Variants in PABPC1 observed in about 807,000 individuals in gnomAD.
PABPC1 encodes poly(A) binding protein cytoplasmic 1, also known as polyadenylate-binding protein 1.
A neutral mutation model predicts 74.0 loss-of-function variants in PABPC1; 4 were observed. The ratio of observed to expected loss-of-function variants is 0.05; its 90% CI spans 0.03 to 0.12. The LOEUF (loss-of-function observed/expected upper bound fraction) is 0.12. Ranked by LOEUF, PABPC1 falls within the 10% of genes least tolerant of loss-of-function variation. The pLI, the probability that PABPC1 is intolerant of heterozygous loss-of-function variation, is 1.00. For missense variants in PABPC1, 271 were observed against 821.1 expected (o/e 0.33, Z 8.19); for synonymous variants, 227 against 264.1 (o/e 0.86, Z 1.36).
chr8:100,710,936 G>A (rs1810512175), intron 7 of PABPC1, among the ~76,000 whole-genome samples: 1 of 151,434 alleles, frequency 6.6e-6, no homozygotes, highest in Non-Finnish European at 1.5e-5. Context: ...GCAGTGAACT[G>A]AGATCACACC....
rs916698550 is a variant in PABPC1 at position 100,721,350 on chromosome 8, GCCGCCCGC to G, written c.193+33_193+40del. 2 of 1,287,854 alleles carry G rather than the reference GCCGCCCGC, an allele frequency of 1.6e-6. No homozygotes were observed. The highest frequency in any genetic ancestry group is 2.0e-6 in the Non-Finnish European group (2 of 990,706). The allele number at this position is 1,287,854 out of a possible 1,614,324, so 79.8% of individuals were successfully genotyped here. A position where few individuals can be genotyped will look rare whatever the true frequency, so the allele number is the denominator to read the frequency against. ...CCGCCGCCGCCGCCCGAGCCTCATG[GCCGCCCGC>G]CCGCCCGGCCGACCGCGGAGCCCGG... On this transcript the variant is annotated intron_variant, in intron 1 of 14. Coordinates refer to ENST00000318607, the MANE Select transcript of PABPC1 (RefSeq NM_002568.4). The surrounding 1 kb of genome is among the most constrained non-coding windows in gnomAD (Gnocchi z 7.4).
intron 3 of PABPC1, 37 bp downstream of exon 3, chr8:100,717,736 G>C (rs375865665): frequency 4.9e-6 from 6 of 1,212,380 alleles, no homozygotes; most frequent in Non-Finnish European, 7.2e-6. Flanking sequence ...TTAAAAATAA[G>C]ATTCAAAATA....
At chr8:100,716,500 T>A (rs1406437833) in intron 3 of PABPC1, among the ~76,000 whole-genome samples, 1 of 152,184 alleles carries the variant, frequency 6.6e-6, no homozygotes. Context: ...CCATCTTACA[T>A]AATCTCACCC....
At chr8:100,713,064 C>T in intron 5 of PABPC1, 23 bp downstream of exon 5, 1 of 1,525,844 alleles carries the variant, frequency 6.6e-7, no homozygotes, top group African/African-American at 1.4e-5. Context: ...CCCCCTTCTT[C>T]CTGCTGAATA....
chr8:100,709,327 A>G (rs771778121), intron 8 of PABPC1, 104 bp from the exon 9 acceptor site: 56 of 1,460,288 alleles, frequency 3.8e-5, no homozygotes, highest in Non-Finnish European at 5.2e-5. Context: ...CTTCACACTC[A>G]AGCATTTTTT....
In PABPC1 at chr8:100,712,805, A is replaced by AG; in HGVS notation, c.739-17_739-16insC. ...CATCCACAGCCTTCCCCCCAAAAAA[A>AG]AAGAAAAAAAAAAAATCACAAAACT... is the stretch of plus-strand genomic sequence containing the variant. On this transcript the variant is annotated splice_polypyrimidine_tract_variant and intron_variant, in intron 5 of 14. Transcript: ENST00000318607. 1 of 1,512,972 alleles carries AG rather than the reference A, an allele frequency of 6.6e-7. No individual in the cohort carries two copies. Among genetic ancestry groups the AG allele is most frequent in the Non-Finnish European group, 8.7e-7 (1 of 1,147,750 alleles). The allele number at this position is 1,512,972 out of a possible 1,614,324, so 93.7% of individuals were successfully genotyped here.
chr8:100,721,659 G>A lies in PABPC1; in HGVS notation c.-76C>T. The A allele has an allele frequency of 8.0e-7, 1 of 1,248,842 alleles. No individual in the cohort carries two copies. The highest frequency in any genetic ancestry group is 1.1e-6 in the Non-Finnish European group (1 of 948,362). The allele number at this position is 1,248,842 out of a possible 1,614,324, so 77.4% of individuals were successfully genotyped here. ...AGGAGAGCGAGTGCCGGGGCTGGGG[G>A]CCGGAGCCGGGGGGAGGGGAGCGGG... On this transcript the variant is annotated 5_prime_UTR_variant, in exon 1 of 15. Transcript: ENST00000318607. This position sits in a 1 kb window ranked among gnomAD's most constrained non-coding sequence, Gnocchi z 7.4.
chr8:100,718,956 A>C (rs1587169134), intron 1 of PABPC1, among the ~76,000 whole-genome samples: 2 of 152,320 alleles, frequency 1.3e-5, no homozygotes, highest in East Asian at 3.9e-4. Context: ...AATTTTAAAA[A>C]CACCAGGTCT....
At chr8:100,712,577 T>C (rs1810556173) in intron 6 of PABPC1, 75 bp downstream of exon 6, 1 of 1,547,512 alleles carries the variant, frequency 6.5e-7, no homozygotes, top group Non-Finnish European at 8.8e-7. Flanking sequence ...TCCAGCTACC[T>C]GGAAGTAACT....
intron 9 of PABPC1, among the ~76,000 whole-genome samples, chr8:100,708,634 A>G (rs1373493257): frequency 6.6e-6 from 1 of 152,156 alleles, no homozygotes; most frequent in Non-Finnish European, 1.5e-5. Flanking sequence ...TCAACACTTT[A>G]GGAGGCTGAG....
intron 5 of PABPC1, 82 bp downstream of exon 5, chr8:100,713,005 G>A (rs1810569969): frequency 9.4e-7 from 1 of 1,061,736 alleles, no homozygotes. Context: ...ATGTCAAATA[G>A]CTATTAGTAT....
chr8:100,713,044 C>T (rs778975883), intron 5 of PABPC1, 43 bp downstream of exon 5: 3 of 1,377,624 alleles, frequency 2.2e-6, no homozygotes, highest in Non-Finnish European at 3.0e-6. Context: ...AAGAGCAACT[C>T]AACTTTGTAC....
At chr8:100,719,454 T>C (rs1271959421) in intron 1 of PABPC1, among the ~76,000 whole-genome samples, 1 of 151,628 alleles carries the variant, frequency 6.6e-6, no homozygotes, top group Non-Finnish European at 1.5e-5. Context: ...TCCTATGAAA[T>C]TGAAAACTGG....
chr8:100,717,019 T>C lies in PABPC1; in HGVS notation c.503+754A>G, dbSNP rs373810080. On this transcript the variant is annotated intron_variant, in intron 3 of 14. Transcript: ENST00000318607. ...TAACAGGCATTTGTGAGTATTTATT[T>C]ATTTTTTTTAAAGACAGTTTCAATC... 4.0e-5 allele frequency among the ~76,000 whole-genome samples: 6 copies of C among 150,868 alleles called. No homozygotes were observed. In the East Asian group the frequency reaches 7.7e-4, roughly 19 times the overall value.
chr8:100,712,578 G>T (rs1429960841), intron 6 of PABPC1, 74 bp downstream of exon 6: 7 of 1,541,082 alleles, frequency 4.5e-6, no homozygotes, highest in African/African-American at 1.4e-5. Flanking sequence ...CCAGCTACCT[G>T]GAAGTAACTG....
At position 100,721,818 on chromosome 8, in the gene PABPC1, G is replaced by T; in HGVS notation, c.-235C>A. ...GTGGCGGTGTCGGGTCCGGGCAGCG[G>T]GAAGGCCTCGGTCTCTTGGTTCCTT... On this transcript the variant is annotated 5_prime_UTR_variant, in exon 1 of 15. Coordinates refer to ENST00000318607, the MANE Select transcript of PABPC1 (RefSeq NM_002568.4). The surrounding 1 kb of genome is among the most constrained non-coding windows in gnomAD (Gnocchi z 7.4). The T allele has an allele frequency of 2.5e-6, 1 of 400,780 alleles. No individual in the cohort carries two copies. The highest frequency in any genetic ancestry group is 4.5e-6 in the Non-Finnish European group (1 of 223,394). The allele number at this position is 400,780 out of a possible 1,614,324, so 24.8% of individuals were successfully genotyped here.
At chr8:100,710,500 A>C (rs1477790681) in intron 7 of PABPC1, among the ~76,000 whole-genome samples, 3 of 152,234 alleles carry the variant, frequency 2.0e-5, no homozygotes, top group Non-Finnish European at 2.9e-5. Context: ...TGGGCTACTC[A>C]ATACATGACA....
chr8:100,721,485 C>T lies in PABPC1; in HGVS notation c.99G>A (p.Pro33=), dbSNP rs148248545. Residue 33 remains proline (P), a synonymous_variant, in exon 1 of 15, where the codon CCG becomes CCA. Transcript: ENST00000318607. This position sits in a 1 kb window ranked among gnomAD's most constrained non-coding sequence, Gnocchi z 7.4. ...TEAMLYEKFS[P]AGPILSIRVC... is the part of the protein sequence containing the mutation. The stretch of plus-strand genomic sequence containing the variant: ...CCCGGATGGAGAGGATGGGCCCGGC[C>T]GGGCTGAACTTCTCGTAGAGCATCG... 4.8e-5 allele frequency: 77 copies of T among 1,611,860 alleles called. No individual in the cohort carries two copies. In the Middle Eastern group the frequency reaches 1.2e-3, roughly 24 times the overall value.
chr8:100,721,734 G>A lies in PABPC1; in HGVS notation c.-151C>T. The A allele has an allele frequency of 1.6e-6, 1 of 639,950 alleles. No individual in the cohort carries two copies. The highest frequency in any genetic ancestry group is 1.9e-5 in the African/African-American group (1 of 52,980). 39.6% of individuals were successfully genotyped at this position (639,950 alleles called of 1,614,324 possible). On this transcript the variant is annotated 5_prime_UTR_variant, in exon 1 of 15. Coordinates refer to ENST00000318607, the MANE Select transcript of PABPC1 (RefSeq NM_002568.4). This position sits in a 1 kb window ranked among gnomAD's most constrained non-coding sequence, Gnocchi z 7.4. ...CAACCGGAATTGAAAACTACTCAAC[G>A]GCCGCAGAACGGGGTCGATCCACTG...
Sources: gnomAD v4.1 joint callset for allele counts (sites outside exome capture counted in the v4.1 genomes callset) on GRCh38, gnomAD v4.1.1 for gene constraint, Gnocchi (gnomAD v3.1) non-coding constraint, MANE v1.5 for transcripts, NCBI Gene and HGNC (gene_info 2026-07-23, HGNC 2026-07-21) for gene names.